Variants in TRPM3 observed in about 807,000 individuals in gnomAD.
TRPM3 encodes long transient receptor potential channel 3.
Under a neutral mutation model 181.2 loss-of-function variants are expected in TRPM3, and 77 were observed. That is an observed-to-expected ratio of 0.42 (90% confidence interval 0.35 to 0.51). TRPM3 has a LOEUF of 0.51. TRPM3 is among the 20% of genes least tolerant of loss of function. TRPM3 has a pLI of 0.01. For missense variants in TRPM3, 1,759 were observed against 2,196.7 expected (o/e 0.80, Z 3.98); for synonymous variants, 745 against 796.4 (o/e 0.94, Z 1.09).
intron 1 of TRPM3, among the ~76,000 whole-genome samples, chr9:71,115,663 G>C (rs751127258): frequency 7.2e-5 from 11 of 152,142 alleles, no homozygotes; most frequent in Non-Finnish European, 1.0e-4. Flanking sequence ...GACCTTGCCA[G>C]GGACGTTACT....
At chr9:70,796,256 G>A (rs10156647) in intron 6 of TRPM3, among the ~76,000 whole-genome samples, 26,407 of 152,222 alleles carry the variant, frequency 0.17, 3,031 homozygotes, top group East Asian at 0.48. Flanking sequence ...GGGAATTATG[G>A]ATCGGAAAAT....
intron 14 of TRPM3, among the ~76,000 whole-genome samples, chr9:70,624,399 G>A (rs1370918473): frequency 2.0e-5 from 3 of 152,136 alleles, no homozygotes; most frequent in African/African-American, 4.8e-5. Context: ...GGGCTCAAGC[G>A]AGTCTCCTGC....
chr9:70,587,207 T>C (rs1419593564), intron 22 of TRPM3, among the ~76,000 whole-genome samples: 59 of 152,180 alleles, frequency 3.9e-4, no homozygotes, highest in Admixed American at 3.9e-3. Flanking sequence ...TATTAAGTTG[T>C]CATGGTAGAA....
At chr9:70,838,909 T>C (rs1203795487) in intron 5 of TRPM3, among the ~76,000 whole-genome samples, 1 of 152,162 alleles carries the variant, frequency 6.6e-6, no homozygotes, top group African/African-American at 2.4e-5. Context: ...TCAAGATTAG[T>C]GCTGTCCCTC....
intron 9 of TRPM3, among the ~76,000 whole-genome samples, chr9:70,679,382 C>G (rs1206822583): frequency 6.6e-6 from 1 of 152,118 alleles, no homozygotes; most frequent in African/African-American, 2.4e-5. Flanking sequence ...TAAGACTGAG[C>G]TGAAAGTGAA....
At position 70,533,724 on chromosome 9, in the gene TRPM3, C is replaced by A. The variant is rs561715950; in HGVS notation, c.*2229G>T. ...TGTTTGCTGAGAGGGAAATAGCCAG[C>A]GTGGGGCCCAATAAAATGTTAAGTG... is the stretch of plus-strand genomic sequence containing the variant. On this transcript the variant is annotated 3_prime_UTR_variant, in exon 26 of 26. Transcript: ENST00000677713. 6.6e-6 allele frequency: 1 copy of A among 151,978 alleles called. No homozygotes were observed. The highest frequency in any genetic ancestry group is 1.9e-4 in the East Asian group (1 of 5,184). The allele number at this position is 151,978 out of a possible 1,614,324, so 9.4% of individuals were successfully genotyped here.
At chr9:70,893,150 C>T (rs753106988) in intron 1 of TRPM3, among the ~76,000 whole-genome samples, 17 of 152,062 alleles carry the variant, frequency 1.1e-4, no homozygotes, top group East Asian at 3.9e-4. Context: ...ACATTTTCTG[C>T]GACACCAATA....
At chr9:71,396,654 T>C (rs1421063090) in intron 1 of TRPM3, among the ~76,000 whole-genome samples, 1 of 151,208 alleles carries the variant, frequency 6.6e-6, no homozygotes, top group Non-Finnish European at 1.5e-5. Context: ...TGGAATAAAA[T>C]TCCTCTTTAA....
intron 1 of TRPM3, among the ~76,000 whole-genome samples, chr9:71,261,688 A>T (rs1173604673): frequency 6.6e-6 from 1 of 152,118 alleles, no homozygotes; most frequent in Non-Finnish European, 1.5e-5. Flanking sequence ...TGGAGTTTGC[A>T]TGGTCATCCT....
chr9:70,887,821 C>T (rs2096117671), intron 1 of TRPM3, among the ~76,000 whole-genome samples: 1 of 152,108 alleles, frequency 6.6e-6, no homozygotes, highest in South Asian at 2.1e-4. Flanking sequence ...AGCACAAAGA[C>T]TTTAATTTGG....
chr9:70,938,990 TA>T (rs147125886), intron 1 of TRPM3, among the ~76,000 whole-genome samples: 85 of 148,080 alleles, frequency 5.7e-4, no homozygotes, highest in African/African-American at 1.4e-3. Flanking sequence ...AATAAAAAAA[TA>T]AAAAAAAAAC....
intron 9 of TRPM3, among the ~76,000 whole-genome samples, chr9:70,655,305 CAAAAAAA>C (rs1169901529): frequency 2.1e-4 from 7 of 33,186 alleles, no homozygotes; most frequent in Non-Finnish European, 3.6e-4. Flanking sequence ...GACTCCGTCT[CAAAAAAA>C]AAAAAAAAAA....
chr9:71,209,428 T>C (rs2131788519), intron 1 of TRPM3, among the ~76,000 whole-genome samples: 1 of 150,514 alleles, frequency 6.6e-6, no homozygotes, highest in East Asian at 2.0e-4. Context: ...GACTGACTTC[T>C]TTTCTTCTCT....
At chr9:71,015,102 A>G (rs549174573) in intron 1 of TRPM3, among the ~76,000 whole-genome samples, 1 of 152,288 alleles carries the variant, frequency 6.6e-6, no homozygotes, top group South Asian at 2.1e-4. Flanking sequence ...TCAGACTAAC[A>G]TGAGTCAGAT....
At chr9:70,684,278 T>C (rs2066217509) in intron 8 of TRPM3, among the ~76,000 whole-genome samples, 1 of 152,156 alleles carries the variant, frequency 6.6e-6, no homozygotes, top group Non-Finnish European at 1.5e-5. Flanking sequence ...CTTGGAATAT[T>C]TTGGTACAAC....
intron 12 of TRPM3, among the ~76,000 whole-genome samples, chr9:70,626,337 G>T (rs62545506): frequency 0.08 from 12,185 of 152,120 alleles, 614 homozygotes; most frequent in South Asian, 0.13. Flanking sequence ...GCGGGAGAGC[G>T]CTCTATACCA....
intron 1 of TRPM3, among the ~76,000 whole-genome samples, chr9:71,047,164 A>T (rs1023573475): frequency 2.0e-4 from 30 of 152,212 alleles, no homozygotes; most frequent in African/African-American, 7.0e-4. Context: ...TTTCCAGTAG[A>T]TGGAAAAGGT....
chr9:71,024,878 T>G (rs1302326266), intron 1 of TRPM3, among the ~76,000 whole-genome samples: 2 of 152,114 alleles, frequency 1.3e-5, no homozygotes, highest in Non-Finnish European at 2.9e-5. Flanking sequence ...GACCTGATCC[T>G]CTGTATCTCT....
chr9:70,657,901 G>A (rs186487097), intron 9 of TRPM3, among the ~76,000 whole-genome samples: 225 of 152,224 alleles, frequency 1.5e-3, no homozygotes, highest in African/African-American at 5.2e-3. Flanking sequence ...AGGTGAGTGT[G>A]TGATTGTAAG....
Sources: gnomAD v4.1 joint callset for allele counts (sites outside exome capture counted in the v4.1 genomes callset) on GRCh38, gnomAD v4.1.1 for gene constraint, MANE v1.5 for transcripts, NCBI Gene and HGNC (gene_info 2026-07-23, HGNC 2026-07-21) for gene names.